RXRB: variants seen among roughly 807,000 people sequenced by gnomAD.
The protein encoded by RXRB is retinoic acid receptor RXR-beta.
RXRB carries 18 observed loss-of-function variants against 52.5 expected under a neutral mutation model. The observed-to-expected ratio is 0.34, with a 90% CI of 0.24 to 0.51. RXRB has a LOEUF of 0.51. Ranked by LOEUF, RXRB falls within the 20% of genes least tolerant of loss-of-function variation. RXRB has a pLI of 0.97. For missense variants in RXRB, 455 were observed against 698.2 expected (o/e 0.65, Z 3.92); for synonymous variants, 233 against 267.1 (o/e 0.87, Z 1.25).
Position 33,196,058 on chromosome 6 carries a change from G to A in RXRB, c.994-22C>T. The A allele has an allele frequency of 1.2e-6, 2 of 1,612,456 alleles. No homozygotes were observed. The highest frequency in any genetic ancestry group is 1.7e-6 in the Non-Finnish European group (2 of 1,179,596). On this transcript the variant is annotated intron_variant, in intron 5 of 9. Coordinates refer to ENST00000374680, the MANE Select transcript of RXRB (RefSeq NM_021976.5). The surrounding 1 kb of genome is among the most constrained non-coding windows in gnomAD (Gnocchi z 4.0). ...TTGGCTGCAGGGGACGGGGGTAAGA[G>A]TTATGGAAGATTTTGAGATATGCTG...
Position 33,195,774 on chromosome 6 carries a change from G to A in RXRB, c.1124-72C>T, listed in dbSNP as rs1773848956. 1 of 1,599,250 alleles carries A rather than the reference G, an allele frequency of 6.3e-7. No homozygotes were observed. Among genetic ancestry groups the A allele is most frequent in the South Asian group, 1.1e-5 (1 of 90,422 alleles). On this transcript the variant is annotated intron_variant, in intron 6 of 9. Coordinates refer to ENST00000374680, the MANE Select transcript of RXRB (RefSeq NM_021976.5). This position sits in a 1 kb window ranked among gnomAD's most constrained non-coding sequence, Gnocchi z 8.6. ...TTCAAAGCACATCAGTGGAAGAGAA[G>A]GAGAAAAGAGGTGGCGAGGTCAGCA...
chr6:33,195,958 G>T lies in RXRB; in HGVS notation c.1072C>A (p.Pro358Thr). The T allele has an allele frequency of 6.2e-7, 1 of 1,613,022 alleles. No homozygotes were observed. Among genetic ancestry groups the T allele is most frequent in the Non-Finnish European group, 8.5e-7 (1 of 1,180,038 alleles). Reference sequence around the variant, plus strand: ...TCCAGAGGCAAGGAGGAAAAGTGTGGGATCCTCTTCGCCCACTCAACAAGC... The same window carrying T: ...TCCAGAGGCAAGGAGGAAAAGTGTGTGATCCTCTTCGCCCACTCAACAAGC... ...FTLVEWAKRI[P>T]HFSSLPLDDQ... Residue 358 changes from proline (P) to threonine (T), a missense_variant, in exon 6 of 10, where the codon CCA becomes ACA. By Grantham distance (38) the Pro-to-Thr change is conservative. Transcript: ENST00000374680. This position sits in a 1 kb window ranked among gnomAD's most constrained non-coding sequence, Gnocchi z 8.6.
In RXRB at chr6:33,200,576, T is replaced by G. The variant is rs1774437082; in HGVS notation, c.-100A>C. ...ACGAGGAAGCCCCTGAGAGAAAGAC[T>G]CTGGCCTGGATTGGGTCGAATTAAG... On this transcript the variant is annotated 5_prime_UTR_variant, in exon 1 of 10. Coordinates refer to ENST00000374680, the MANE Select transcript of RXRB (RefSeq NM_021976.5). The surrounding 1 kb of genome is among the most constrained non-coding windows in gnomAD (Gnocchi z 6.3). 1 of 1,491,206 alleles carries G rather than the reference T, an allele frequency of 6.7e-7. No homozygotes were observed. The highest frequency in any genetic ancestry group is 8.9e-7 in the Non-Finnish European group (1 of 1,120,912). 92.4% of individuals were successfully genotyped at this position (1,491,206 alleles called of 1,614,324 possible). A position where few individuals can be genotyped will look rare whatever the true frequency, so the allele number is the denominator to read the frequency against.
chr6:33,200,677 C>T (rs1774447880), upstream of RXRB: 6 of 1,541,134 alleles, frequency 3.9e-6, no homozygotes, highest in African/African-American at 1.4e-5. This position sits in a 1 kb window ranked among gnomAD's most constrained non-coding sequence, Gnocchi z 6.3. Flanking sequence ...AGTCTCGGCG[C>T]GAGTTCCCGC....
Position 33,194,584 on chromosome 6 carries a change from G to C in RXRB, c.*98C>G. On this transcript the variant is annotated 3_prime_UTR_variant, in exon 10 of 10. Coordinates refer to ENST00000374680, the MANE Select transcript of RXRB (RefSeq NM_021976.5). The surrounding 1 kb of genome is among the most constrained non-coding windows in gnomAD (Gnocchi z 4.1). ...TGCCCTGTACTTCTCACCCCATCAA[G>C]GTTCTGGGAACATGGCCCCCCACCC... 3 of 1,322,614 alleles carry C rather than the reference G, an allele frequency of 2.3e-6. No individual in the cohort carries two copies. Among genetic ancestry groups the C allele is most frequent in the Non-Finnish European group, 3.1e-6 (3 of 963,260 alleles). 81.9% of individuals were successfully genotyped at this position (1,322,614 alleles called of 1,614,324 possible).
Position 33,199,425 on chromosome 6 carries a change from G to C in RXRB, c.236-9C>G. 1 of 1,253,190 alleles carries C rather than the reference G, an allele frequency of 8.0e-7. No homozygotes were observed. 77.6% of individuals were successfully genotyped at this position (1,253,190 alleles called of 1,614,324 possible). On this transcript the variant is annotated splice_polypyrimidine_tract_variant and intron_variant, in intron 1 of 9. Coordinates refer to ENST00000374680, the MANE Select transcript of RXRB (RefSeq NM_021976.5). ...GTCTGGGCTTCGGGAGTCTGAGGGA[G>C]GGGTATGTACAGGCACACAGACACA...
Position 33,195,140 on chromosome 6 carries a change from TG to T in RXRB, c.1349-91del. 1 of 990,748 alleles carries T rather than the reference TG, an allele frequency of 1.0e-6. No homozygotes were observed. Among genetic ancestry groups the T allele is most frequent in the South Asian group, 1.3e-5 (1 of 75,000 alleles). The allele number at this position is 990,748 out of a possible 1,614,324, so 61.4% of individuals were successfully genotyped here. ...GATGTGAGCCACAGGATGCCCCTTT[TG>T]GGCTGCACTTGCTTGCCCTTTACCA... On this transcript the variant is annotated intron_variant, in intron 8 of 9. Coordinates refer to ENST00000374680, the MANE Select transcript of RXRB (RefSeq NM_021976.5). This position sits in a 1 kb window ranked among gnomAD's most constrained non-coding sequence, Gnocchi z 8.6.
chr6:33,194,716 A>G lies in RXRB; in HGVS notation c.1568T>C (p.Met523Thr). The change falls in exon 10 of 10, where the codon ATG becomes ACG. Residue 523 changes from methionine (M) to threonine (T), a missense_variant. Met to Thr is a moderately conservative substitution (Grantham distance 81). Coordinates refer to ENST00000374680, the MANE Select transcript of RXRB (RefSeq NM_021976.5). This position sits in a 1 kb window ranked among gnomAD's most constrained non-coding sequence, Gnocchi z 4.1. ...IGDTPIDTFL[M>T]EMLEAPHQLA is the part of the protein sequence containing the mutation. ...TTGATGGGGAGCCTCAAGCATCTCCATGAGGAAGGTGTCGATGGGGGTGTC... is the reference window on the plus strand; with the variant it reads ...TTGATGGGGAGCCTCAAGCATCTCCGTGAGGAAGGTGTCGATGGGGGTGTC... The G allele has an allele frequency of 6.2e-7, 1 of 1,613,172 alleles. No homozygotes were observed. Among genetic ancestry groups the G allele is most frequent in the Admixed American group, 1.7e-5 (1 of 60,036 alleles).
In RXRB at chr6:33,195,692, T is replaced by G; in HGVS notation, c.1134A>C (p.Glu378Asp). ...QVILLRAGWN[E>D]LLIASFSHRS... Reference sequence around the variant, plus strand: ...GGTGTGAGAAGGAGGCAATGAGGAGTTCATTCCAGCCTGGGTGGGGCAGCA... The same window carrying G: ...GGTGTGAGAAGGAGGCAATGAGGAGGTCATTCCAGCCTGGGTGGGGCAGCA... Residue 378 changes from glutamate (E) to aspartate (D), a missense_variant, in exon 7 of 10, where the codon GAA (glutamate) becomes GAC (aspartate). By Grantham distance (45) the Glu-to-Asp change is conservative. This residue lies in a region of RXRB where 115 missense variants were observed against 253.1 expected (regional missense o/e 0.45). Coordinates refer to ENST00000374680, the MANE Select transcript of RXRB (RefSeq NM_021976.5). The surrounding 1 kb of genome is among the most constrained non-coding windows in gnomAD (Gnocchi z 8.6). 6.2e-7 allele frequency: 1 copy of G among 1,612,042 alleles called. No homozygotes were observed. The highest frequency in any genetic ancestry group is 8.5e-7 in the Non-Finnish European group (1 of 1,179,866).
In RXRB at chr6:33,195,875, T is replaced by C; in HGVS notation, c.1123+32A>G. 1 of 1,611,234 alleles carries C rather than the reference T, an allele frequency of 6.2e-7. No individual in the cohort carries two copies. Reference sequence around the variant, plus strand: ...CGGGAAGTCAAAGAGGGGTCAAATGTCAAGAAGTCAAAGGGATCCAAGGTC... The same window carrying C: ...CGGGAAGTCAAAGAGGGGTCAAATGCCAAGAAGTCAAAGGGATCCAAGGTC... On this transcript the variant is annotated intron_variant, in intron 6 of 9. Transcript: ENST00000374680. This position sits in a 1 kb window ranked among gnomAD's most constrained non-coding sequence, Gnocchi z 8.6.
Position 33,195,211 on chromosome 6 carries a change from A to T in RXRB, c.1348+152T>A, listed in dbSNP as rs1279430247. The T allele has an allele frequency of 5.2e-6, 4 of 762,126 alleles. No homozygotes were observed. The highest frequency in any genetic ancestry group is 9.0e-6 in the Non-Finnish European group (4 of 444,824). The allele number at this position is 762,126 out of a possible 1,614,324, so 47.2% of individuals were successfully genotyped here. On this transcript the variant is annotated intron_variant, in intron 8 of 9. Coordinates refer to ENST00000374680, the MANE Select transcript of RXRB (RefSeq NM_021976.5). This position sits in a 1 kb window ranked among gnomAD's most constrained non-coding sequence, Gnocchi z 8.6. Reference sequence around the variant, plus strand: ...AGGGCCCACTGGGTTTGTGGGATGGATCCGTGGATGTGGGTTTTTCCTCGG... The same window carrying T: ...AGGGCCCACTGGGTTTGTGGGATGGTTCCGTGGATGTGGGTTTTTCCTCGG...
At chr6:33,199,991 G>A in intron 1 of RXRB, 1 of 763,662 alleles carries the variant, frequency 1.3e-6, no homozygotes, top group Admixed American at 1.7e-5. Flanking sequence ...GGTTTAAGAG[G>A]AATCGTGCCC....
In RXRB at chr6:33,197,799, G is replaced by T. The variant is rs778413652; in HGVS notation, c.783C>A (p.Arg261=). ...TGCCAGTGGCCAGGCACTTCTGATA[G>T]CGGCAGTACTGACAGCGGTTCCGCT... ...KRQRNRCQYC[R]YQKCLATGMK... is the part of the protein sequence containing the mutation. Residue 261 remains arginine, a synonymous_variant, in exon 4 of 10, where the codon CGC becomes CGA. Transcript: ENST00000374680. This position sits in a 1 kb window ranked among gnomAD's most constrained non-coding sequence, Gnocchi z 4.4. 3.1e-6 allele frequency: 5 copies of T among 1,614,020 alleles called. No individual in the cohort carries two copies. The highest frequency in any genetic ancestry group is 4.2e-6 in the Non-Finnish European group (5 of 1,180,030).
chr6:33,198,010 A>G (rs1038543930), intron 3 of RXRB, 69 bp from the exon 4 acceptor site: 8 of 1,511,356 alleles, frequency 5.3e-6, no homozygotes, highest in African/African-American at 2.8e-5. Flanking sequence ...TCTGTTTCCA[A>G]TCTCCCCCTA....
Position 33,200,360 on chromosome 6 carries a change from T to TCGCCGC in RXRB, c.111_116dup (p.Arg39_Arg40dup), listed in dbSNP as rs1269219779. 6.4e-7 allele frequency: 1 copy of TCGCCGC among 1,568,740 alleles called. No homozygotes were observed. The highest frequency in any genetic ancestry group is 8.6e-7 in the Non-Finnish European group (1 of 1,159,932). ...CCGCTGCGGGATCCAGCCAGGGCCGTCGCCGCCGCCACCGGGACGCGACCC... is the reference window on the plus strand; with the variant it reads ...CCGCTGCGGGATCCAGCCAGGGCCGTCGCCGCCGCCGCCGCCACCGGGACGCGACCC... On this transcript the variant is annotated inframe_insertion, in exon 1 of 10. Coordinates refer to ENST00000374680, the MANE Select transcript of RXRB (RefSeq NM_021976.5). This position sits in a 1 kb window ranked among gnomAD's most constrained non-coding sequence, Gnocchi z 6.3.
In RXRB at chr6:33,194,824, G is replaced by A; in HGVS notation, c.1460C>T (p.Ala487Val). ...GGCAGGAAGACGTAGCAGCAGCTTG[G>A]CAAACCTGGGGTGGAGGTGGGAGAA... is the stretch of plus-strand genomic sequence containing the variant. ...QKYPEQQGRF[A>V]KLLLRLPALR... Residue 487 changes from alanine (A) to valine (V), a missense_variant, in exon 10 of 10, where the codon GCC becomes GTC. Coordinates refer to ENST00000374680, the MANE Select transcript of RXRB (RefSeq NM_021976.5). The surrounding 1 kb of genome is among the most constrained non-coding windows in gnomAD (Gnocchi z 4.1). 6.2e-7 allele frequency: 1 copy of A among 1,612,836 alleles called. No individual in the cohort carries two copies.
Position 33,200,274 on chromosome 6 carries a change from G to C in RXRB, c.203C>G (p.Ala68Gly). The C allele has an allele frequency of 6.2e-7, 1 of 1,607,060 alleles. No homozygotes were observed. Among genetic ancestry groups the C allele is most frequent in the Non-Finnish European group, 8.5e-7 (1 of 1,178,866 alleles). ...QQTPEPEPGE[A>G]GRDGMGDSGR... is the part of the protein sequence containing the mutation. Reference sequence around the variant, plus strand: ...GCTGTCGCCCATCCCGTCCCGTCCAGCCTCCCCTGGCTCCGGCTCCGGGGT... The same window carrying C: ...GCTGTCGCCCATCCCGTCCCGTCCACCCTCCCCTGGCTCCGGCTCCGGGGT... The change falls in exon 1 of 10, where the codon GCT becomes GGT. Residue 68 changes from alanine to glycine, a missense_variant. Transcript: ENST00000374680. The surrounding 1 kb of genome is among the most constrained non-coding windows in gnomAD (Gnocchi z 6.3).
Position 33,199,351 on chromosome 6 carries a change from G to A in RXRB, c.301C>T (p.Pro101Ser). The A allele has an allele frequency of 8.1e-7, 1 of 1,231,284 alleles. No individual in the cohort carries two copies. Among genetic ancestry groups the A allele is most frequent in the Non-Finnish European group, 1.0e-6 (1 of 972,946 alleles). The allele number at this position is 1,231,284 out of a possible 1,614,324, so 76.3% of individuals were successfully genotyped here. A position where few individuals can be genotyped will look rare whatever the true frequency, so the allele number is the denominator to read the frequency against. The part of the protein sequence containing the change: ...LPQGVPPPSP[P>S]GPPLPPSTAP... ...GTTGAAGGGGGTAGGGGTGGCCCAGGAGGAGAAGGGGGAGGGACTCCCTGG... is the reference window on the plus strand; with the variant it reads ...GTTGAAGGGGGTAGGGGTGGCCCAGAAGGAGAAGGGGGAGGGACTCCCTGG... The change falls in exon 2 of 10, where the codon CCT becomes TCT. Residue 101 changes from proline (P) to serine (S), a missense_variant. Around this residue, in one of 4 missense-constraint regions of RXRB, gnomAD observed 225 missense variants for 258.6 expected, o/e 0.87. Transcript: ENST00000374680.
In RXRB at chr6:33,196,622, GGA is replaced by G. The variant is rs1428141988; in HGVS notation, c.821-18_821-17del. ...TCCTGTACCGCTGCAGGGGGAAGGG[GGA>G]GAGAAAAAATGGAAAGTCAGCAGCC... On this transcript the variant is annotated splice_polypyrimidine_tract_variant and intron_variant, in intron 4 of 9. Coordinates refer to ENST00000374680, the MANE Select transcript of RXRB (RefSeq NM_021976.5). The surrounding 1 kb of genome is among the most constrained non-coding windows in gnomAD (Gnocchi z 4.0). 9 of 1,570,086 alleles carry G rather than the reference GGA, an allele frequency of 5.7e-6. No homozygotes were observed. Among genetic ancestry groups the G allele is most frequent in the Non-Finnish European group, 7.8e-6 (9 of 1,159,782 alleles).
Sources: gnomAD v4.1 joint callset for allele counts on GRCh38, gnomAD v4.1.1 for gene constraint, gnomAD v4.1.1 regional missense constraint, Gnocchi (gnomAD v3.1) non-coding constraint, MANE v1.5 for transcripts, NCBI Gene and HGNC (gene_info 2026-07-23, HGNC 2026-07-21) for gene names.